The following TAF4B variants were observed in gnomAD, a reference collection of about 807,000 sequenced individuals.
TAF4B encodes TATA-box binding protein associated factor 4b, also known as transcription initiation factor TFIID subunit 4B.
Under a neutral mutation model 86.4 loss-of-function variants are expected in TAF4B, and 38 were observed. That is an observed-to-expected ratio of 0.44 (90% CI 0.34 to 0.58). The LOEUF is 0.58. Among genes scored for constraint, TAF4B ranks in the 20% least tolerant of loss-of-function variants. The probability of loss-of-function intolerance (pLI) is 0.02; values close to 1 mark genes in which losing one functional copy is unlikely to be tolerated. For synonymous variants in TAF4B, 388 were observed against 391.2 expected (o/e 0.99, Z 0.10); for missense variants, 988 against 1,027.6 (o/e 0.96, Z 0.53).
At chr18:26,346,903 G>A (rs1210669189) in intron 13 of TAF4B, among the ~76,000 whole-genome samples, 324 of 8,278 alleles carry the variant, frequency 0.039, 63 homozygotes, top group East Asian at 0.19. Flanking sequence ...ATATATATGT[G>A]TGTGTATATA....
At chr18:26,365,035 C>G (rs1194095670) in intron 14 of TAF4B, among the ~76,000 whole-genome samples, 4 of 120,146 alleles carry the variant, frequency 3.3e-5, no homozygotes, top group African/African-American at 1.3e-4. Context: ...GAGATAGAGT[C>G]TCGCTTTGGC....
chr18:26,258,908 A>G (rs1411515259), intron 1 of TAF4B, among the ~76,000 whole-genome samples: 1 of 149,778 alleles, frequency 6.7e-6, no homozygotes, highest in East Asian at 2.0e-4. Context: ...TTTGTTGTCC[A>G]GTCTGGTCTC....
chr18:26,307,643 A>G (rs1568143225), intron 9 of TAF4B, among the ~76,000 whole-genome samples: 1 of 152,076 alleles, frequency 6.6e-6, no homozygotes. Flanking sequence ...GATTTTTATT[A>G]CTTTAAAAAG....
At chr18:26,273,058 A>G (rs1361345518) in intron 3 of TAF4B, among the ~76,000 whole-genome samples, 3 of 152,184 alleles carry the variant, frequency 2.0e-5, no homozygotes, top group South Asian at 2.1e-4. Context: ...TCCTTATTCA[A>G]TATTGAAATA....
chr18:26,284,808 G>A (rs946674095), intron 6 of TAF4B, among the ~76,000 whole-genome samples: 3 of 152,122 alleles, frequency 2.0e-5, no homozygotes, highest in Non-Finnish European at 2.9e-5. Context: ...GGCAGAGGTT[G>A]CAGAGAGCCG....
At chr18:26,309,917 C>T (rs574006253) in intron 9 of TAF4B, among the ~76,000 whole-genome samples, 128 of 152,258 alleles carry the variant, frequency 8.4e-4, no homozygotes, top group African/African-American at 2.8e-3. Flanking sequence ...CTCTGCCTCC[C>T]GGGTTCAAGA....
chr18:26,315,079 T>A, intron 9 of TAF4B, 150 bp from the exon 10 acceptor site: 1 of 481,896 alleles, frequency 2.1e-6, no homozygotes, highest in Non-Finnish European at 3.6e-6. Context: ...GACCTCTAAT[T>A]CTTTTGCTCT....
intron 1 of TAF4B, among the ~76,000 whole-genome samples, chr18:26,264,104 T>A (rs759268262): frequency 9.9e-5 from 15 of 151,820 alleles, no homozygotes; most frequent in Non-Finnish European, 1.8e-4. Context: ...AATAAACAGG[T>A]TTTTAAAAGC....
chr18:26,228,205 A>G (rs2055608920), intron 1 of TAF4B, among the ~76,000 whole-genome samples: 1 of 152,194 alleles, frequency 6.6e-6, no homozygotes, highest in Non-Finnish European at 1.5e-5. Flanking sequence ...TTCTTTACTG[A>G]AAGTCTCTTG....
At position 26,346,793 on chromosome 18, in the gene TAF4B, A is replaced by ATGTGTG. The variant is rs1433071857; in HGVS notation, c.2317-10896_2317-10895insGTGTGT. ...TATATATGTGTGTGTATATATATAT[A>ATGTGTG]TATATGTGTATATATATATATATGT... On this transcript the variant is annotated intron_variant, in intron 13 of 14. Coordinates refer to ENST00000269142, the MANE Select transcript of TAF4B (RefSeq NM_005640.3). Among the ~76,000 whole-genome samples the ATGTGTG allele has an allele frequency of 2.4e-3, 65 of 26,918 alleles. 15 individuals carry two copies. Among genetic ancestry groups the ATGTGTG allele is most frequent in the Non-Finnish European group, 5.4e-3 (51 of 9,446 alleles). The allele number at this position is 26,918 out of a possible 152,430, so 17.7% of individuals were successfully genotyped here.
chr18:26,345,953 A>C (rs772554535), intron 13 of TAF4B, among the ~76,000 whole-genome samples: 2 of 152,332 alleles, frequency 1.3e-5, no homozygotes, highest in Non-Finnish European at 2.9e-5. Flanking sequence ...ATTTGAATAG[A>C]GAAAATTTTA....
At chr18:26,336,355 A>G (rs2057091559) in intron 13 of TAF4B, among the ~76,000 whole-genome samples, 1 of 152,166 alleles carries the variant, frequency 6.6e-6, no homozygotes, top group African/African-American at 2.4e-5. Context: ...GCAGCAGGTT[A>G]TTTATGAACG....
intron 14 of TAF4B, among the ~76,000 whole-genome samples, chr18:26,359,609 C>T (rs1390040677): frequency 6.6e-6 from 1 of 152,042 alleles, no homozygotes; most frequent in Non-Finnish European, 1.5e-5. Flanking sequence ...GTAGCTTGAC[C>T]AATTTCTCTC....
chr18:26,354,132 G>A (rs1255073640), intron 13 of TAF4B, among the ~76,000 whole-genome samples: 1 of 152,226 alleles, frequency 6.6e-6, no homozygotes. Flanking sequence ...CTGGAGTGCA[G>A]TGGCATGATC....
intron 1 of TAF4B, among the ~76,000 whole-genome samples, chr18:26,235,271 C>T (rs982247412): frequency 9.2e-5 from 14 of 152,102 alleles, no homozygotes; most frequent in Middle Eastern, 6.8e-3. Context: ...TTGCTGTAGC[C>T]AGAGATCCAT....
At chr18:26,384,951 C>G (rs948877428) in intron 14 of TAF4B, among the ~76,000 whole-genome samples, 5 of 152,114 alleles carry the variant, frequency 3.3e-5, no homozygotes, top group African/African-American at 9.7e-5. Flanking sequence ...AGTTCTTGCC[C>G]ATAGTAGGTA....
At chr18:26,227,607 C>T (rs770595891) in intron 1 of TAF4B, among the ~76,000 whole-genome samples, 1 of 152,082 alleles carries the variant, frequency 6.6e-6, no homozygotes, top group African/African-American at 2.4e-5. Context: ...GATTTCCATA[C>T]GCTTAGATTA....
chr18:26,229,494 C>CTTTTTTTTTTTTT (rs34261854), intron 1 of TAF4B, among the ~76,000 whole-genome samples: 15 of 129,362 alleles, frequency 1.2e-4, no homozygotes, highest in Non-Finnish European at 2.3e-4. Context: ...TTCTTTCTTT[C>CTTTTTTTTTTTTT]TTTTTTTTTT....
intron 7 of TAF4B, among the ~76,000 whole-genome samples, chr18:26,290,026 A>G (rs1441576050): frequency 1.3e-5 from 2 of 152,232 alleles, no homozygotes; most frequent in African/African-American, 4.8e-5. Context: ...TAAATAACAG[A>G]AAGGCTTTTT....
Sources: gnomAD v4.1 joint callset for allele counts (sites outside exome capture counted in the v4.1 genomes callset) on GRCh38, gnomAD v4.1.1 for gene constraint, MANE v1.5 for transcripts, NCBI Gene and HGNC (gene_info 2026-07-23, HGNC 2026-07-21) for gene names.